The following TMEM94 variants were observed in gnomAD, a reference collection of about 807,000 sequenced individuals.
TMEM94 encodes the protein transmembrane protein 94, also known as ER Mg2+ ATPase.
Under a neutral mutation model 158.6 loss-of-function variants are expected in TMEM94, and 81 were observed. The observed-to-expected ratio is 0.51, with a 90% CI of 0.43 to 0.61. TMEM94 has a LOEUF of 0.61. Among genes scored for constraint, TMEM94 ranks in the 20% least tolerant of loss-of-function variants. The probability of loss-of-function intolerance (pLI) is 0.00; values close to 1 mark genes in which losing one functional copy is unlikely to be tolerated. For synonymous variants in TMEM94, 751 were observed against 730.7 expected (o/e 1.03, Z -0.45); for missense variants, 1,435 against 1,762.0 (o/e 0.81, Z 3.32).
In TMEM94 at chr17:75,495,075, G is replaced by GA; in HGVS notation, c.2728+42dup. On this transcript the variant is annotated intron_variant, in intron 20 of 31. Coordinates refer to ENST00000314256, the MANE Select transcript of TMEM94 (RefSeq NM_014738.6). The surrounding 1 kb of genome is among the most constrained non-coding windows in gnomAD (Gnocchi z 5.6). ...TGGGGTGGGGACGGGGTGGCGGTGGGAGGATTCCCCTCCTCAGAGCCACAG... is the reference window on the plus strand; with the variant it reads ...TGGGGTGGGGACGGGGTGGCGGTGGGAAGGATTCCCCTCCTCAGAGCCACAG... 3.9e-6 allele frequency: 4 copies of GA among 1,037,346 alleles called. No homozygotes were observed. Among genetic ancestry groups the GA allele is most frequent in the Non-Finnish European group, 5.8e-6 (4 of 691,988 alleles). The allele number at this position is 1,037,346 out of a possible 1,614,324, so 64.3% of individuals were successfully genotyped here. A position where few individuals can be genotyped will look rare whatever the true frequency, so the allele number is the denominator to read the frequency against.
intron 9 of TMEM94, 141 bp from the exon 10 acceptor site, chr17:75,490,090 AAAG>A: frequency 7.9e-7 from 1 of 1,262,968 alleles, no homozygotes; most frequent in Non-Finnish European, 1.1e-6. Flanking sequence ...AAAAAAAAAA[AAAG>A]AACACCTCTT....
In TMEM94 at chr17:75,485,322, A is replaced by T; in HGVS notation, c.25-106A>T. 7.6e-7 allele frequency: 1 copy of T among 1,318,884 alleles called. No individual in the cohort carries two copies. The allele number at this position is 1,318,884 out of a possible 1,614,324, so 81.7% of individuals were successfully genotyped here. A position where few individuals can be genotyped will look rare whatever the true frequency, so the allele number is the denominator to read the frequency against. On this transcript the variant is annotated intron_variant, in intron 2 of 31. Coordinates refer to ENST00000314256, the MANE Select transcript of TMEM94 (RefSeq NM_014738.6). This position sits in a 1 kb window ranked among gnomAD's most constrained non-coding sequence, Gnocchi z 5.5. The stretch of plus-strand genomic sequence containing the variant: ...GTAGGGGAAGAGATGTGAGGATCCC[A>T]GAGGAGGGGAAGGATGAAGGGCCAG...
At chr17:75,459,267 G>C (rs1408841951) in intron 1 of TMEM94, among the ~76,000 whole-genome samples, 1 of 152,154 alleles carries the variant, frequency 6.6e-6, no homozygotes. Context: ...AATGACCAGG[G>C]AGGTGAAGTA....
At position 75,489,895 on chromosome 17, in the gene TMEM94, A is replaced by G; in HGVS notation, c.954+233A>G. 1 of 579,496 alleles carries G rather than the reference A, an allele frequency of 1.7e-6. No homozygotes were observed. The highest frequency in any genetic ancestry group is 3.0e-5 in the Admixed American group (1 of 33,270). The allele number at this position is 579,496 out of a possible 1,614,324, so 35.9% of individuals were successfully genotyped here. On this transcript the variant is annotated intron_variant, in intron 9 of 31. Coordinates refer to ENST00000314256, the MANE Select transcript of TMEM94 (RefSeq NM_014738.6). This position sits in a 1 kb window ranked among gnomAD's most constrained non-coding sequence, Gnocchi z 5.0. ...AGAGATCGAGACCATCCTGGCCAAT[A>G]TGGTGAAACCCCGTCTCTACTAAGA...
chr17:75,481,915 C>A (rs1385907608), intron 2 of TMEM94, among the ~76,000 whole-genome samples: 1 of 152,196 alleles, frequency 6.6e-6, no homozygotes, highest in African/African-American at 2.4e-5. Context: ...CTTCTTTGTC[C>A]CAGGGCCTCA....
At position 75,491,332 on chromosome 17, in the gene TMEM94, C is replaced by T. The variant is rs750358409; in HGVS notation, c.1263C>T (p.Ile421=). The T allele has an allele frequency of 6.2e-7, 1 of 1,614,050 alleles. No individual in the cohort carries two copies. ...TVLCCVDKQG[I]LSWPNPSPET... is the part of the protein sequence containing the mutation. Reference sequence around the variant, plus strand: ...TGTGCTGTGTGGACAAACAGGGGATCCTGTCATGGCCAAATCCCAGCCCAG... The same window carrying T: ...TGTGCTGTGTGGACAAACAGGGGATTCTGTCATGGCCAAATCCCAGCCCAG... The change falls in exon 13 of 32, where the codon ATC becomes ATT. Residue 421 remains isoleucine, a synonymous_variant. Coordinates refer to ENST00000314256, the MANE Select transcript of TMEM94 (RefSeq NM_014738.6). The surrounding 1 kb of genome is among the most constrained non-coding windows in gnomAD (Gnocchi z 5.1).
intron 2 of TMEM94, among the ~76,000 whole-genome samples, chr17:75,479,883 A>T (rs1184769927): frequency 1.3e-5 from 2 of 152,100 alleles, no homozygotes; most frequent in Non-Finnish European, 2.9e-5. Flanking sequence ...GCACCATTAC[A>T]TTCCAACTTG....
chr17:75,476,833 A>T, intron 2 of TMEM94: 1 of 1,516,474 alleles, frequency 6.6e-7, no homozygotes, highest in Non-Finnish European at 8.8e-7. Context: ...GGTTGCTGTG[A>T]GAGTCCTGAA....
intron 1 of TMEM94, among the ~76,000 whole-genome samples, chr17:75,471,330 C>T (rs2050496458): frequency 6.6e-6 from 1 of 152,014 alleles, no homozygotes; most frequent in Non-Finnish European, 1.5e-5. Flanking sequence ...CTGTAGCCCT[C>T]TCCCTCCTGG....
At chr17:75,460,283 A>G (rs1225963085) in intron 1 of TMEM94, among the ~76,000 whole-genome samples, 11 of 152,100 alleles carry the variant, frequency 7.2e-5, no homozygotes. Flanking sequence ...AATGAACCCA[A>G]TTTTCATAAC....
At chr17:75,490,780 G>T in intron 11 of TMEM94, 22 bp downstream of exon 11, 2 of 1,607,936 alleles carry the variant, frequency 1.2e-6, no homozygotes, top group Non-Finnish European at 1.7e-6. Context: ...ACCCGGGATG[G>T]CTTCTCTCGC....
intron 2 of TMEM94, among the ~76,000 whole-genome samples, chr17:75,472,784 CT>C (rs2050546812): frequency 6.6e-6 from 1 of 152,330 alleles, no homozygotes; most frequent in South Asian, 2.1e-4. Context: ...TGTTCCTAGC[CT>C]TCCTGCTTTG....
intron 1 of TMEM94, among the ~76,000 whole-genome samples, chr17:75,459,079 C>A (rs1054704005): frequency 5.9e-4 from 85 of 144,974 alleles, no homozygotes; most frequent in South Asian, 2.0e-3. Flanking sequence ...ACAAAAAAAA[C>A]AAAAACAAAT....
At chr17:75,481,177 G>A (rs2051131305) in intron 2 of TMEM94, among the ~76,000 whole-genome samples, 2 of 152,218 alleles carry the variant, frequency 1.3e-5, no homozygotes, top group South Asian at 4.1e-4. Context: ...ACAGGTACAG[G>A]CATTCATTTG....
intron 2 of TMEM94, among the ~76,000 whole-genome samples, chr17:75,476,211 C>T (rs1161460698): frequency 6.6e-6 from 1 of 152,158 alleles, no homozygotes; most frequent in Non-Finnish European, 1.5e-5. Flanking sequence ...CCCCTTGATA[C>T]TGGCAGTTGT....
intron 2 of TMEM94, chr17:75,476,644 G>T (rs752734954): frequency 2.6e-6 from 4 of 1,534,544 alleles, no homozygotes; most frequent in Non-Finnish European, 3.5e-6. Flanking sequence ...TGAGGGAGGT[G>T]TTGGAAGTTC....
At position 75,493,529 on chromosome 17, in the gene TMEM94, G is replaced by A; in HGVS notation, c.2125G>A (p.Val709Ile). ...QMLSHGTADV[V>I]LEACTDFWDG... ...GCTGTCCCATGGCACCGCTGATGTG[G>A]TCTTAGAGGCCTGCACAGACTTCTG... Residue 709 changes from valine to isoleucine, a missense_variant, in exon 17 of 32, where the codon GTC becomes ATC. Val to Ile is a conservative substitution (Grantham distance 29). Transcript: ENST00000314256. 6.2e-7 allele frequency: 1 copy of A among 1,614,056 alleles called. No individual in the cohort carries two copies.
chr17:75,488,183 C>T (rs768122519), intron 6 of TMEM94, 49 bp downstream of exon 6: 117 of 1,581,414 alleles, frequency 7.4e-5, no homozygotes, highest in Non-Finnish European at 1.0e-4. Context: ...GGAACATCCA[C>T]AGGCAACGAT....
chr17:75,470,818 C>T (rs2050471384), intron 1 of TMEM94, among the ~76,000 whole-genome samples: 4 of 151,722 alleles, frequency 2.6e-5, no homozygotes, highest in Admixed American at 2.6e-4. Flanking sequence ...ACTTGAGGGG[C>T]TGAGACAGGA....
Sources: allele counts gnomAD v4.1 joint callset (sites outside exome capture counted in the v4.1 genomes callset), GRCh38; gene constraint gnomAD v4.1.1; non-coding constraint Gnocchi (gnomAD v3.1); transcripts MANE v1.5; gene names NCBI Gene and HGNC (gene_info 2026-07-23, HGNC 2026-07-21).